Variants in XRCC4 observed in about 807,000 individuals in gnomAD.
XRCC4 encodes X-ray repair cross complementing 4, also known as DNA repair protein XRCC4.
In XRCC4, 28 loss-of-function variants were observed where a neutral mutation model predicts 39.1. That is an observed-to-expected ratio of 0.72 (90% CI 0.53 to 0.98). The LOEUF (loss-of-function observed/expected upper bound fraction) is 0.98, where lower values mean the gene tolerates loss of function less well. Ranked by LOEUF, XRCC4 falls within the 50% of genes least tolerant of loss-of-function variation. The pLI is 0.00. For missense variants in XRCC4, 350 were observed against 376.4 expected (o/e 0.93, Z 0.58); for synonymous variants, 123 against 126.4 (o/e 0.97, Z 0.18).
intron 6 of XRCC4, among the ~76,000 whole-genome samples, chr5:83,225,095 A>G (rs921244959): frequency 2.0e-5 from 3 of 152,164 alleles, no homozygotes; most frequent in African/African-American, 4.8e-5. Flanking sequence ...CTGGTCTTAT[A>G]TATGAGAATG....
chr5:83,258,794 C>T (rs183042298), intron 7 of XRCC4, 117 bp downstream of exon 7: 2 of 1,193,268 alleles, frequency 1.7e-6, no homozygotes, highest in Non-Finnish European at 2.3e-6. Context: ...AAGAAAATGT[C>T]ATTTTGGAAT....
chr5:83,339,521 A>G (rs1002533823), intron 7 of XRCC4, among the ~76,000 whole-genome samples: 1 of 152,072 alleles, frequency 6.6e-6, no homozygotes, highest in African/African-American at 2.4e-5. Flanking sequence ...AGAAACACCT[A>G]ATGTAAATGA....
chr5:83,118,361 A>G (rs750800688), intron 3 of XRCC4, among the ~76,000 whole-genome samples: 16 of 151,146 alleles, frequency 1.1e-4, no homozygotes, highest in Non-Finnish European at 1.5e-4. Context: ...GAGTACAGTG[A>G]TGTGATCATA....
chr5:83,214,694 G>A (rs1248778059), intron 6 of XRCC4, among the ~76,000 whole-genome samples: 4 of 151,780 alleles, frequency 2.6e-5, no homozygotes, highest in Admixed American at 6.6e-5. Context: ...AAAATTAGCC[G>A]GGCATCGTGT....
intron 3 of XRCC4, among the ~76,000 whole-genome samples, chr5:83,116,073 G>A (rs1042559693): frequency 4.8e-4 from 73 of 152,234 alleles, no homozygotes; most frequent in African/African-American, 1.7e-3. Context: ...ATGTCTTGTA[G>A]ATTCATCTGC....
rs539250933 is a variant in XRCC4 at position 83,334,866 on chromosome 5, T to C, written c.894-18265T>C. Among the ~76,000 whole-genome samples the C allele has an allele frequency of 7.9e-5, 12 of 152,072 alleles. No homozygotes were observed. In the South Asian group the frequency reaches 2.3e-3, roughly 29 times the overall value. ...TGTATAGGATTTAGAATTTCTGTGG[T>C]GTTTGAAATCTTACTCTTCTTAAGA... On this transcript the variant is annotated intron_variant, in intron 7 of 7. Coordinates refer to ENST00000396027, the MANE Select transcript of XRCC4 (RefSeq NM_003401.5).
At chr5:83,259,645 C>T (rs1240434772) in intron 7 of XRCC4, among the ~76,000 whole-genome samples, 5 of 152,084 alleles carry the variant, frequency 3.3e-5, no homozygotes, top group Admixed American at 3.3e-4. Context: ...GCCCTCATAA[C>T]ATTTTTTTCT....
At chr5:83,264,592 G>C (rs1044807998) in intron 7 of XRCC4, among the ~76,000 whole-genome samples, 1 of 151,982 alleles carries the variant, frequency 6.6e-6, no homozygotes, top group Non-Finnish European at 1.5e-5. Flanking sequence ...AAAAGAATGA[G>C]CATATGGGAA....
intron 3 of XRCC4, among the ~76,000 whole-genome samples, chr5:83,161,050 G>A (rs1749181423): frequency 6.6e-6 from 1 of 151,852 alleles, no homozygotes; most frequent in African/African-American, 2.4e-5. Flanking sequence ...GACAGATGAG[G>A]AAACTGATGC....
At chr5:83,299,171 G>T (rs894285493) in intron 7 of XRCC4, among the ~76,000 whole-genome samples, 1 of 151,874 alleles carries the variant, frequency 6.6e-6, no homozygotes, top group African/African-American at 2.4e-5. Flanking sequence ...TTTTACTTTT[G>T]ATTTTTGGAA....
At position 83,120,305 on chromosome 5, in the gene XRCC4, G is replaced by GT. The variant is rs202193131; in HGVS notation, c.315+9111dup. Among the ~76,000 whole-genome samples, 1,408 of 151,466 alleles carry GT rather than the reference G, an allele frequency of 9.3e-3. 16 individuals are homozygous for GT. Among genetic ancestry groups the GT allele is most frequent in the African/African-American group, 0.032 (1,316 of 41,318 alleles). ...CCGCTGTTTTATGAATACCAAATCA[G>GT]TTTTTTTTTAAATTTGTTTAGGGAT... On this transcript the variant is annotated intron_variant, in intron 3 of 7. Coordinates refer to ENST00000396027, the MANE Select transcript of XRCC4 (RefSeq NM_003401.5).
intron 7 of XRCC4, among the ~76,000 whole-genome samples, chr5:83,305,229 A>G (rs1187657360): frequency 6.6e-6 from 1 of 152,194 alleles, no homozygotes; most frequent in Non-Finnish European, 1.5e-5. Context: ...TATATTTACT[A>G]CAATTAGTGA....
At chr5:83,296,607 C>T (rs1755103650) in intron 7 of XRCC4, among the ~76,000 whole-genome samples, 1 of 151,706 alleles carries the variant, frequency 6.6e-6, no homozygotes, top group African/African-American at 2.4e-5. Context: ...TTTTGTGGTA[C>T]ATGAATTATA....
intron 7 of XRCC4, among the ~76,000 whole-genome samples, chr5:83,352,614 C>T (rs956720701): frequency 2.0e-5 from 3 of 152,080 alleles, no homozygotes; most frequent in Non-Finnish European, 4.4e-5. Context: ...GATTATGGAC[C>T]AACATTTCAT....
chr5:83,134,996 A>G (rs1415851811), intron 3 of XRCC4, among the ~76,000 whole-genome samples: 1 of 152,010 alleles, frequency 6.6e-6, no homozygotes, highest in Non-Finnish European at 1.5e-5. Flanking sequence ...GAAGGAACAA[A>G]CTCTGGACAC....
intron 1 of XRCC4, among the ~76,000 whole-genome samples, chr5:83,080,972 C>A (rs1402329376): frequency 6.6e-6 from 1 of 152,176 alleles, no homozygotes; most frequent in Non-Finnish European, 1.5e-5. Flanking sequence ...TTTACTGTCA[C>A]ACCTCAAACT....
chr5:83,082,839 T>A (rs1001645877), intron 1 of XRCC4, among the ~76,000 whole-genome samples: 1 of 152,102 alleles, frequency 6.6e-6, no homozygotes, highest in Non-Finnish European at 1.5e-5. Flanking sequence ...ATTGGACACC[T>A]CTGCTCTACA....
At chr5:83,186,487 CT>C (rs1750444338) in intron 3 of XRCC4, among the ~76,000 whole-genome samples, 1 of 152,136 alleles carries the variant, frequency 6.6e-6, no homozygotes, top group African/African-American at 2.4e-5. Flanking sequence ...GATCTCCTTC[CT>C]TTCTCTTGTA....
intron 3 of XRCC4, among the ~76,000 whole-genome samples, chr5:83,132,240 T>C (rs549517030): frequency 7.2e-5 from 11 of 152,294 alleles, no homozygotes; most frequent in East Asian, 1.9e-4. Context: ...GAGTTTCTGC[T>C]GAGAGATCCG....
Sources: gnomAD v4.1 joint callset for allele counts (sites outside exome capture counted in the v4.1 genomes callset) on GRCh38, gnomAD v4.1.1 for gene constraint, MANE v1.5 for transcripts, NCBI Gene and HGNC (gene_info 2026-07-23, HGNC 2026-07-21) for gene names.